Variants in LMX1A observed in about 807,000 individuals in gnomAD.
LMX1A encodes LIM homeobox transcription factor 1-alpha.
LMX1A carries 15 observed loss-of-function variants against 49.1 expected under a neutral mutation model. That is an observed-to-expected ratio of 0.31 (90% confidence interval 0.20 to 0.47). The LOEUF is 0.47. Ranked by LOEUF, LMX1A falls within the 20% of genes least tolerant of loss-of-function variation. The pLI is 1.00. For synonymous variants in LMX1A, 167 were observed against 185.7 expected (o/e 0.90, Z 0.82); for missense variants, 372 against 475.8 (o/e 0.78, Z 2.03).
intron 3 of LMX1A, among the ~76,000 whole-genome samples, chr1:165,307,054 G>A (rs1654938895): frequency 6.6e-6 from 1 of 152,236 alleles, no homozygotes; most frequent in South Asian, 2.1e-4. Flanking sequence ...GTGGCTTCAT[G>A]CAAGGGAATC....
At chr1:165,252,490 CCTAAGAATAT>C in intron 3 of LMX1A, among the ~76,000 whole-genome samples, 1 of 152,220 alleles carries the variant, frequency 6.6e-6, no homozygotes, top group South Asian at 2.1e-4. Context: ...GACAATATAC[CCTAAGAATAT>C]CTCTGGGATT....
chr1:165,242,740 C>T (rs1310889971), intron 4 of LMX1A, among the ~76,000 whole-genome samples: 1 of 151,032 alleles, frequency 6.6e-6, no homozygotes, highest in African/African-American at 2.4e-5. Flanking sequence ...ATTAGCTGGG[C>T]TAATTTTTTC....
chr1:165,326,199 G>A (rs1005819314), intron 3 of LMX1A, among the ~76,000 whole-genome samples: 14 of 152,210 alleles, frequency 9.2e-5, no homozygotes, highest in Admixed American at 8.5e-4. Context: ...CGGGGAGGAG[G>A]GGAAGGGGGG....
intron 3 of LMX1A, among the ~76,000 whole-genome samples, chr1:165,335,519 G>A (rs1655871780): frequency 6.6e-6 from 1 of 151,918 alleles, no homozygotes. Context: ...TATGATTTAA[G>A]AGGCCCACTT....
chr1:165,206,144 G>A, intron 7 of LMX1A, 110 bp from the exon 8 acceptor site: 1 of 992,560 alleles, frequency 1.0e-6, no homozygotes, highest in Non-Finnish European at 1.5e-6. Flanking sequence ...GGTGACATCA[G>A]TGGTCCCAGC....
chr1:165,298,969 T>C (rs1055017364), intron 3 of LMX1A, among the ~76,000 whole-genome samples: 1 of 152,238 alleles, frequency 6.6e-6, no homozygotes, highest in Non-Finnish European at 1.5e-5. Context: ...TCAATAATAA[T>C]TTTATTTAAC....
intron 3 of LMX1A, among the ~76,000 whole-genome samples, chr1:165,255,364 C>A (rs1653200373): frequency 6.6e-6 from 1 of 152,178 alleles, no homozygotes; most frequent in Non-Finnish European, 1.5e-5. Flanking sequence ...TATTCAATGC[C>A]TTGCTTACAT....
chr1:165,313,993 G>A (rs1655149440), intron 3 of LMX1A, among the ~76,000 whole-genome samples: 2 of 152,162 alleles, frequency 1.3e-5, no homozygotes. Flanking sequence ...AGGTAATGAA[G>A]GCAGTGAGTG....
At chr1:165,348,169 A>C (rs1457798350) in intron 3 of LMX1A, among the ~76,000 whole-genome samples, 4 of 152,250 alleles carry the variant, frequency 2.6e-5, no homozygotes, top group Non-Finnish European at 1.5e-5. Flanking sequence ...AACGAGACTG[A>C]ATAAATAACT....
At chr1:165,343,100 T>C (rs112503732) in intron 3 of LMX1A, among the ~76,000 whole-genome samples, 73 of 152,340 alleles carry the variant, frequency 4.8e-4, no homozygotes, top group Middle Eastern at 3.4e-3. Context: ...GGATACATTT[T>C]TTCAGCAAAT....
At chr1:165,345,894 T>A (rs1321339986) in intron 3 of LMX1A, among the ~76,000 whole-genome samples, 1 of 151,974 alleles carries the variant, frequency 6.6e-6, no homozygotes, top group Non-Finnish European at 1.5e-5. Context: ...AATTAGAAAA[T>A]CAAAAGAGCA....
chr1:165,221,725 T>A (rs954867380), intron 4 of LMX1A, among the ~76,000 whole-genome samples: 2 of 152,166 alleles, frequency 1.3e-5, no homozygotes, highest in Non-Finnish European at 2.9e-5. Flanking sequence ...TGGATGCCTC[T>A]CCCTTTGCTT....
intron 3 of LMX1A, among the ~76,000 whole-genome samples, chr1:165,253,506 T>A (rs12091526): frequency 0.019 from 2,935 of 152,114 alleles, 94 homozygotes; most frequent in African/African-American, 0.067. Flanking sequence ...AAGAGGGCCA[T>A]TCTAATTCTT....
chr1:165,328,522 C>T (rs759337719), intron 3 of LMX1A, among the ~76,000 whole-genome samples: 8 of 152,190 alleles, frequency 5.3e-5, no homozygotes, highest in Admixed American at 2.6e-4. Context: ...ATGTGGTCCA[C>T]CCAACAGGGC....
At chr1:165,297,654 C>G (rs1246071648) in intron 3 of LMX1A, among the ~76,000 whole-genome samples, 2 of 152,134 alleles carry the variant, frequency 1.3e-5, no homozygotes, top group East Asian at 3.8e-4. Context: ...CCAAGAGACT[C>G]CAGGCCCCAA....
intron 3 of LMX1A, among the ~76,000 whole-genome samples, chr1:165,270,859 C>G (rs750942936): frequency 6.6e-6 from 1 of 152,124 alleles, no homozygotes; most frequent in Non-Finnish European, 1.5e-5. Context: ...TATCCCAATG[C>G]CTTTCATTTC....
intron 7 of LMX1A, among the ~76,000 whole-genome samples, chr1:165,206,441 G>A (rs1005775275): frequency 2.6e-5 from 4 of 152,142 alleles, no homozygotes; most frequent in African/African-American, 9.6e-5. Flanking sequence ...TGCTATGCTT[G>A]TAGATAGAAT....
intron 3 of LMX1A, among the ~76,000 whole-genome samples, chr1:165,308,279 C>T (rs1504696): frequency 0.59 from 89,348 of 152,012 alleles, 26,979 homozygotes; most frequent in Middle Eastern, 0.74. Context: ...GGAGGAGAGC[C>T]GATAACACCT....
intron 3 of LMX1A, among the ~76,000 whole-genome samples, chr1:165,322,906 T>C (rs1655464955): frequency 6.6e-6 from 1 of 152,216 alleles, no homozygotes; most frequent in Non-Finnish European, 1.5e-5. Context: ...CTTTCTTTTC[T>C]GACTTTTCCA....
Sources: allele counts gnomAD v4.1 joint callset (sites outside exome capture counted in the v4.1 genomes callset), GRCh38; gene constraint gnomAD v4.1.1; transcripts MANE v1.5; gene names NCBI Gene and HGNC (gene_info 2026-07-23, HGNC 2026-07-21).